Variants in CNTNAP3B observed in about 807,000 individuals in gnomAD.
CNTNAP3B encodes the protein contactin associated protein family member 3B.
Under a neutral mutation model 108.9 loss-of-function variants are expected in CNTNAP3B, and 25 were observed. The observed-to-expected ratio is 0.23, with a 90% CI of 0.17 to 0.32. CNTNAP3B has a LOEUF of 0.32. Among genes scored for constraint, CNTNAP3B ranks in the 10% least tolerant of loss-of-function variants. CNTNAP3B has a pLI of 1.00. For synonymous variants in CNTNAP3B, 103 were observed against 473.4 expected (o/e 0.22, Z 10.16); for missense variants, 252 against 1,210.4 (o/e 0.21, Z 11.75).
intron 3 of CNTNAP3B, among the ~76,000 whole-genome samples, chr9:42,041,593 T>G (rs1158819981): frequency 6.9e-6 from 1 of 144,346 alleles, no homozygotes; most frequent in Non-Finnish European, 1.5e-5. Context: ...AAACAACAGG[T>G]GCTGGAGAGG....
intron 13 of CNTNAP3B, among the ~76,000 whole-genome samples, chr9:41,940,731 C>G (rs1468105878): frequency 6.6e-6 from 1 of 152,116 alleles, no homozygotes; most frequent in Non-Finnish European, 1.5e-5. Context: ...AGGAGAATGG[C>G]GTGAACCCGG....
chr9:41,939,204 G>T (rs1362130183), intron 13 of CNTNAP3B, among the ~76,000 whole-genome samples: 2 of 152,284 alleles, frequency 1.3e-5, no homozygotes, highest in African/African-American at 2.4e-5. Flanking sequence ...TAAAAAGCAG[G>T]TGTCAGGCCA....
intron 3 of CNTNAP3B, among the ~76,000 whole-genome samples, chr9:42,061,477 G>A (rs1254230175): frequency 1.5e-5 from 2 of 132,836 alleles, no homozygotes; most frequent in African/African-American, 6.1e-5. Flanking sequence ...ACCATGCCCA[G>A]CTAATTTTTG....
At chr9:42,014,592 C>A (rs1375900745) in intron 3 of CNTNAP3B, among the ~76,000 whole-genome samples, 8 of 114,896 alleles carry the variant, frequency 7.0e-5, no homozygotes, top group African/African-American at 2.8e-4. Flanking sequence ...AGATCGAGAT[C>A]ATCCTGGCTA....
intron 13 of CNTNAP3B, among the ~76,000 whole-genome samples, chr9:41,941,158 T>C (rs1381262496): frequency 1.1e-4 from 17 of 151,252 alleles, no homozygotes; most frequent in Middle Eastern, 3.4e-3. Context: ...TTAAGTTGAC[T>C]GTGGTAAGTC....
Position 42,128,946 on chromosome 9 carries a change from A to G in CNTNAP3B, c.85+64T>C. ...AATTCCACTTCCAAATATTACCGAT[A>G]ATAAAAAAATACAAAGTTTTCCAGA... On this transcript the variant is annotated intron_variant, in intron 1 of 23. Transcript: ENST00000377561. 2.2e-6 allele frequency: 3 copies of G among 1,394,410 alleles called. No homozygotes were observed. The South Asian group carries it at 3.8e-5, about 17-fold the overall frequency. 86.4% of individuals were successfully genotyped at this position (1,394,410 alleles called of 1,614,324 possible).
intron 13 of CNTNAP3B, among the ~76,000 whole-genome samples, chr9:41,943,852 C>T (rs1490436302): frequency 6.6e-6 from 1 of 152,286 alleles, no homozygotes; most frequent in South Asian, 2.1e-4. Context: ...AAAACCACAC[C>T]TAGGCATCTC....
intron 15 of CNTNAP3B, among the ~76,000 whole-genome samples, chr9:41,924,581 T>G (rs1275430648): frequency 1.3e-5 from 2 of 151,770 alleles, no homozygotes; most frequent in Non-Finnish European, 2.9e-5. Context: ...CAAGTGGAGA[T>G]TTGAAGGAGG....
chr9:41,932,553 C>A (rs1019582949), intron 14 of CNTNAP3B, among the ~76,000 whole-genome samples: 1 of 145,802 alleles, frequency 6.9e-6, no homozygotes, highest in African/African-American at 2.6e-5. Context: ...GAGTCTCACT[C>A]TTGTCGCCCA....
At chr9:42,053,506 G>T (rs1368617363) in intron 3 of CNTNAP3B, among the ~76,000 whole-genome samples, 1 of 134,532 alleles carries the variant, frequency 7.4e-6, no homozygotes, top group African/African-American at 3.0e-5. Context: ...ATTCAGAAAG[G>T]CATCTGGATA....
chr9:41,940,682 G>T (rs1480903991), intron 13 of CNTNAP3B, among the ~76,000 whole-genome samples: 3 of 152,140 alleles, frequency 2.0e-5, no homozygotes, highest in African/African-American at 7.2e-5. Context: ...GAGCGTAGCG[G>T]CGGGAGCCTG....
chr9:42,119,210 G>A (rs1356860813), intron 1 of CNTNAP3B, among the ~76,000 whole-genome samples: 2 of 114,494 alleles, frequency 1.7e-5, no homozygotes, highest in South Asian at 3.1e-4. Flanking sequence ...GCCAAATCAT[G>A]AGTGAACTCC....
intron 3 of CNTNAP3B, among the ~76,000 whole-genome samples, chr9:42,044,820 C>G (rs1826838556): frequency 7.7e-6 from 1 of 129,058 alleles, no homozygotes; most frequent in African/African-American, 3.1e-5. Context: ...TATGGCTTTA[C>G]AATGTATAGC....
chr9:41,953,128 C>G (rs1290642033), intron 13 of CNTNAP3B, 55 bp downstream of exon 13: 19 of 1,458,050 alleles, frequency 1.3e-5, no homozygotes, highest in Non-Finnish European at 2.7e-6. Context: ...TCTCGCAGCC[C>G]GAGGGCCGCG....
At chr9:42,073,225 A>G (rs1340204024) in intron 3 of CNTNAP3B, among the ~76,000 whole-genome samples, 1 of 82,334 alleles carries the variant, frequency 1.2e-5, no homozygotes, top group Non-Finnish European at 2.3e-5. Context: ...ATGCATTTTT[A>G]ATGTGTCCTT....
At chr9:41,920,894 C>T (rs1195009347) in intron 17 of CNTNAP3B, among the ~76,000 whole-genome samples, 5 of 152,406 alleles carry the variant, frequency 3.3e-5, no homozygotes, top group African/African-American at 7.2e-5. Flanking sequence ...GGGTACAGTG[C>T]TAAACAGTAA....
intron 2 of CNTNAP3B, among the ~76,000 whole-genome samples, chr9:42,103,305 T>C (rs2118696321): frequency 6.7e-6 from 1 of 149,256 alleles, no homozygotes; most frequent in East Asian, 1.9e-4. Context: ...AAATTGTTCA[T>C]GTTTCATAGC....
intron 3 of CNTNAP3B, among the ~76,000 whole-genome samples, chr9:42,070,685 G>A (rs551981147): frequency 1.7e-3 from 251 of 152,002 alleles, no homozygotes; most frequent in Non-Finnish European, 2.9e-3. Flanking sequence ...AGCAGGTACC[G>A]AGTCAGTCCA....
At chr9:42,128,925 C>A in intron 1 of CNTNAP3B, 85 bp downstream of exon 1, 1 of 1,351,138 alleles carries the variant, frequency 7.4e-7, no homozygotes, top group Non-Finnish European at 9.8e-7. Context: ...TTCTGCAATT[C>A]CACTTCCAAA....
Sources: gnomAD v4.1 joint callset for allele counts (sites outside exome capture counted in the v4.1 genomes callset) on GRCh38, gnomAD v4.1.1 for gene constraint, MANE v1.5 for transcripts, NCBI Gene and HGNC (gene_info 2026-07-23, HGNC 2026-07-21) for gene names.